The following FARS2 variants were observed in gnomAD, a reference collection of about 807,000 sequenced individuals.
The protein encoded by FARS2 is phenylalanyl-tRNA synthetase 2, mitochondrial.
Under a neutral mutation model 46.4 loss-of-function variants are expected in FARS2, and 40 were observed. That is an observed-to-expected ratio of 0.86 (90% CI 0.67 to 1.12). FARS2 has a LOEUF of 1.12. Among genes scored for constraint, FARS2 ranks in the 50% most tolerant of loss-of-function variants. The pLI, the probability that FARS2 is intolerant of heterozygous loss-of-function variation, is 0.00. For missense variants in FARS2, 513 were observed against 567.9 expected (o/e 0.90, Z 0.98); for synonymous variants, 234 against 214.9 (o/e 1.09, Z -0.78).
At chr6:5,479,423 G>C (rs559321549) in intron 4 of FARS2, among the ~76,000 whole-genome samples, 3 of 152,318 alleles carry the variant, frequency 2.0e-5, no homozygotes, top group East Asian at 1.9e-4. Flanking sequence ...CTTTGCTTTA[G>C]TGTTCATGCG....
upstream of FARS2, chr6:5,260,907 C>G: frequency 7.3e-7 from 1 of 1,379,286 alleles, no homozygotes; most frequent in Non-Finnish European, 9.3e-7. Flanking sequence ...GCGGACGGCG[C>G]CAGGCGTCCC....
chr6:5,343,442 C>T lies in FARS2; in HGVS notation c.-21-25108C>T, dbSNP rs1245763935. On this transcript the variant is annotated intron_variant, in intron 1 of 6. Coordinates refer to ENST00000274680, the MANE Select transcript of FARS2 (RefSeq NM_006567.5). This position sits in a 1 kb window ranked among gnomAD's most constrained non-coding sequence, Gnocchi z 4.5. ...GGTCAGGCTGGTCTGGAACTCCTGA[C>T]CTCAGGTGATCCACCCGCCTCGGCC... Among the ~76,000 whole-genome samples the T allele has an allele frequency of 1.3e-5, 2 of 152,118 alleles. No homozygotes were observed. Among genetic ancestry groups the T allele is most frequent in the African/African-American group, 4.8e-5 (2 of 41,420 alleles).
chr6:5,667,239 G>C (rs1048567426), intron 6 of FARS2, among the ~76,000 whole-genome samples: 3 of 152,102 alleles, frequency 2.0e-5, no homozygotes, highest in African/African-American at 4.8e-5. Context: ...ATTAAATTTG[G>C]CTGGGCACAG....
intron 6 of FARS2, among the ~76,000 whole-genome samples, chr6:5,724,452 A>G (rs1445110137): frequency 2.0e-5 from 3 of 152,226 alleles, no homozygotes; most frequent in Non-Finnish European, 4.4e-5. Flanking sequence ...GCCTGTGCCC[A>G]TGAGGTGGCC....
At chr6:5,713,728 T>C (rs1482281986) in intron 6 of FARS2, among the ~76,000 whole-genome samples, 1 of 152,194 alleles carries the variant, frequency 6.6e-6, no homozygotes, top group Non-Finnish European at 1.5e-5. Flanking sequence ...CAAAGGGGCT[T>C]TTGCATATTT....
At chr6:5,480,574 CAT>C (rs1316169833) in intron 4 of FARS2, among the ~76,000 whole-genome samples, 5 of 152,352 alleles carry the variant, frequency 3.3e-5, no homozygotes, top group East Asian at 1.9e-4. Flanking sequence ...TAGGTTGAGA[CAT>C]GTGACTTTTG....
intron 1 of FARS2, among the ~76,000 whole-genome samples, chr6:5,334,394 T>C (rs1771013662): frequency 6.6e-6 from 1 of 152,220 alleles, no homozygotes; most frequent in Admixed American, 6.5e-5. Context: ...CTAAAAATGC[T>C]TGCTTCTGTA....
intron 1 of FARS2, among the ~76,000 whole-genome samples, chr6:5,356,828 C>T (rs181575099): frequency 4.6e-5 from 7 of 152,162 alleles, no homozygotes; most frequent in East Asian, 1.9e-4. Flanking sequence ...ATAAGAAGAA[C>T]GGACGGCATA....
chr6:5,771,446 A>G lies in FARS2; in HGVS notation c.*17A>G. On this transcript the variant is annotated 3_prime_UTR_variant, in exon 7 of 7. Transcript: ENST00000274680. ...AGGTTCTGATGTCACCACTTCACTC[A>G]GGCTGCAGCCCTCTTGGGGCTCCAG... 3 of 1,607,204 alleles carry G rather than the reference A, an allele frequency of 1.9e-6. No individual in the cohort carries two copies. Among genetic ancestry groups the G allele is most frequent in the Non-Finnish European group, 1.7e-6 (2 of 1,177,650 alleles).
intron 3 of FARS2, among the ~76,000 whole-genome samples, chr6:5,419,153 G>A (rs1762405217): frequency 6.6e-6 from 1 of 152,128 alleles, no homozygotes; most frequent in South Asian, 2.1e-4. Flanking sequence ...AGGGTGGCTG[G>A]TGTTTTCCTT....
intron 6 of FARS2, among the ~76,000 whole-genome samples, chr6:5,731,732 CTCTG>C (rs1307900178): frequency 2.6e-5 from 4 of 152,160 alleles, no homozygotes; most frequent in East Asian, 1.9e-4. Context: ...GCTGTTTGAT[CTCTG>C]TCTGTCTTCT....
intron 5 of FARS2, among the ~76,000 whole-genome samples, chr6:5,565,257 C>A (rs1772258598): frequency 6.6e-6 from 1 of 152,160 alleles, no homozygotes; most frequent in Non-Finnish European, 1.5e-5. Flanking sequence ...AGCAGTATTC[C>A]AAGCAAAAGT....
At chr6:5,613,987 T>TG (rs928002172) in intron 6 of FARS2, among the ~76,000 whole-genome samples, 20 of 151,570 alleles carry the variant, frequency 1.3e-4, no homozygotes, top group Non-Finnish European at 2.2e-4. Context: ...ATGGGAGTCC[T>TG]GGGGGGAAAA....
intron 6 of FARS2, among the ~76,000 whole-genome samples, chr6:5,628,073 A>G (rs1776123725): frequency 6.6e-6 from 1 of 152,234 alleles, no homozygotes; most frequent in South Asian, 2.1e-4. Context: ...TACAAAATAC[A>G]GTTTTAAACT....
intron 6 of FARS2, among the ~76,000 whole-genome samples, chr6:5,620,822 G>A (rs951389643): frequency 4.6e-5 from 7 of 152,222 alleles, no homozygotes; most frequent in Admixed American, 4.6e-4. Context: ...GGCTCCACTT[G>A]AGTCAGATGC....
intron 6 of FARS2, among the ~76,000 whole-genome samples, chr6:5,770,401 TTGCTGCTGC>T (rs3058189): frequency 5.1e-4 from 78 of 151,514 alleles, no homozygotes; most frequent in South Asian, 4.0e-3. Flanking sequence ...TCTGTTGTTG[TTGCTGCTGC>T]TGCTGCTGCT....
intron 4 of FARS2, among the ~76,000 whole-genome samples, chr6:5,514,834 A>G (rs1172832991): frequency 1.3e-5 from 2 of 151,562 alleles, no homozygotes; most frequent in Non-Finnish European, 2.9e-5. Flanking sequence ...TGGCATGAAC[A>G]TGGCTCAACT....
chr6:5,514,109 T>TATATATATATA, intron 4 of FARS2, among the ~76,000 whole-genome samples: 1 of 150,274 alleles, frequency 6.7e-6, no homozygotes, highest in African/African-American at 2.5e-5. Flanking sequence ...TATATATATA[T>TATATATATATA]GATAAAGTGA....
chr6:5,619,251 A>C (rs1174289406), intron 6 of FARS2, among the ~76,000 whole-genome samples: 1 of 152,174 alleles, frequency 6.6e-6, no homozygotes, highest in Non-Finnish European at 1.5e-5. Context: ...GAGAGTGGGA[A>C]TTGGGGAGTA....
Sources: allele counts gnomAD v4.1 joint callset (sites outside exome capture counted in the v4.1 genomes callset), GRCh38; gene constraint gnomAD v4.1.1; non-coding constraint Gnocchi (gnomAD v3.1); transcripts MANE v1.5; gene names NCBI Gene and HGNC (gene_info 2026-07-23, HGNC 2026-07-21).